NIPAL1: variants seen among roughly 807,000 people sequenced by gnomAD.
NIPAL1 encodes the protein NIPA like domain containing 1.
A neutral mutation model predicts 37.7 loss-of-function variants in NIPAL1; 35 were observed. That is an observed-to-expected ratio of 0.93 (90% CI 0.71 to 1.23). The LOEUF (loss-of-function observed/expected upper bound fraction) is 1.23, where lower values mean the gene tolerates loss of function less well. Among genes scored for constraint, NIPAL1 ranks in the 50% most tolerant of loss-of-function variants. NIPAL1 has a pLI of 0.00. For synonymous variants in NIPAL1, 162 were observed against 183.0 expected, an observed-to-expected ratio of 0.89 and a Z score of 0.93; for missense variants, 412 against 473.9, an observed-to-expected ratio of 0.87 and a Z score of 1.21.
intron 1 of NIPAL1, among the ~76,000 whole-genome samples, chr4:48,023,951 C>T (rs1373156974): frequency 3.3e-5 from 5 of 151,314 alleles, no homozygotes; most frequent in Admixed American, 6.6e-5. Flanking sequence ...TCATACCCCA[C>T]CAAATGAGTT....
intron 1 of NIPAL1, among the ~76,000 whole-genome samples, chr4:48,024,240 A>G (rs1485059691): frequency 6.6e-6 from 1 of 152,030 alleles, no homozygotes; most frequent in African/African-American, 2.4e-5. Flanking sequence ...TGGCCACCCA[A>G]AGTGCTGGGA....
rs1467132586 is a variant in NIPAL1, at chr4:48,035,797, A to G, written c.858A>G (p.Ser286=). ...TTTTGCTGGCTGTACTTGTGCTTTCAGTAACTACACAGATTAACTATCTCA... is the reference window on the plus strand; with the variant it reads ...TTTTGCTGGCTGTACTTGTGCTTTCGGTAACTACACAGATTAACTATCTCA... ...VFVLLAVLVL[S]VTTQINYLNK... The change falls in exon 6 of 6, where the codon TCA becomes TCG. Residue 286 remains serine, a synonymous_variant. Coordinates refer to ENST00000295461, the MANE Select transcript of NIPAL1 (RefSeq NM_207330.3). The G allele has an allele frequency of 1.4e-5, 22 of 1,614,060 alleles. No individual in the cohort carries two copies. The highest frequency in any genetic ancestry group is 5.3e-5 in the African/African-American group (4 of 74,930).
At chr4:48,021,626 T>C (rs1715569307) in intron 1 of NIPAL1, among the ~76,000 whole-genome samples, 1 of 152,128 alleles carries the variant, frequency 6.6e-6, no homozygotes, top group Non-Finnish European at 1.5e-5. Context: ...AGTTATACAG[T>C]GGAATTCTCT....
chr4:48,022,249 A>G (rs187532643), intron 1 of NIPAL1, among the ~76,000 whole-genome samples: 1 of 152,208 alleles, frequency 6.6e-6, no homozygotes, highest in Non-Finnish European at 1.5e-5. Context: ...CTCCACATCC[A>G]CTAACCCATC....
In NIPAL1 at chr4:48,036,022, C is replaced by G. The variant is rs745613033; in HGVS notation, c.1083C>G (p.Asp361Glu). 1.2e-6 allele frequency: 2 copies of G among 1,612,904 alleles called. No homozygotes were observed. Among genetic ancestry groups the G allele is most frequent in the African/African-American group, 1.3e-5 (1 of 74,828 alleles). The change falls in exon 6 of 6, where the codon GAC becomes GAG. Residue 361 changes from aspartate to glutamate, a missense_variant. By Grantham distance (45) the Asp-to-Glu change is conservative (BLOSUM62 2). Coordinates refer to ENST00000295461, the MANE Select transcript of NIPAL1 (RefSeq NM_207330.3). The part of the protein sequence containing the change: ...IFLLHAFKNT[D>E]ITWSELTSTA... Reference sequence around the variant, plus strand: ...TTCTACATGCTTTTAAAAATACTGACATTACTTGGAGTGAGCTTACATCCA... The same window carrying G: ...TTCTACATGCTTTTAAAAATACTGAGATTACTTGGAGTGAGCTTACATCCA...
At chr4:48,029,477 G>A (rs866731078) in intron 2 of NIPAL1, among the ~76,000 whole-genome samples, 1 of 152,090 alleles carries the variant, frequency 6.6e-6, no homozygotes, top group Non-Finnish European at 1.5e-5. Context: ...TACCTGTTGG[G>A]TTCAGTGTTC....
chr4:48,034,996 G>A lies in NIPAL1; in HGVS notation c.577G>A (p.Glu193Lys), dbSNP rs267600174. The A allele has an allele frequency of 6.2e-7, 1 of 1,613,960 alleles. No individual in the cohort carries two copies. Among genetic ancestry groups the A allele is most frequent in the Non-Finnish European group, 8.5e-7 (1 of 1,179,864 alleles). ...VMVIHAPQEE[E>K]VTSLHEMEMK... ...GGTTATCCATGCCCCACAAGAAGAGGAAGTCACATCTTTGCATGAAATGGA... is the reference window on the plus strand; with the variant it reads ...GGTTATCCATGCCCCACAAGAAGAGAAAGTCACATCTTTGCATGAAATGGA... Residue 193 changes from glutamate (E) to lysine (K), a missense_variant, in exon 5 of 6, where the codon GAA becomes AAA. Transcript: ENST00000295461.
At chr4:48,017,600 G>A (rs1462124106) in intron 1 of NIPAL1, among the ~76,000 whole-genome samples, 2 of 152,180 alleles carry the variant, frequency 1.3e-5, no homozygotes. Context: ...AAATCTCTGG[G>A]CGAGGCTCCT....
rs922883244 is a variant in NIPAL1 at position 48,039,417 on chromosome 4, A to G, written c.*3245A>G. 6.6e-6 allele frequency: 1 copy of G among 152,162 alleles called. No individual in the cohort carries two copies. The highest frequency in any genetic ancestry group is 2.4e-5 in the African/African-American group (1 of 41,454). The allele number at this position is 152,162 out of a possible 1,614,324, so 9.4% of individuals were successfully genotyped here. On this transcript the variant is annotated 3_prime_UTR_variant, in exon 6 of 6. Transcript: ENST00000295461. ...AATGCTGGACCCCTATATTCAGACTATTAGTCTTAACTGGTAGTTTATGTA... is the reference window on the plus strand; with the variant it reads ...AATGCTGGACCCCTATATTCAGACTGTTAGTCTTAACTGGTAGTTTATGTA...
intron 3 of NIPAL1, among the ~76,000 whole-genome samples, chr4:48,031,050 T>G (rs576815513): frequency 2.0e-4 from 31 of 152,182 alleles, no homozygotes; most frequent in East Asian, 1.2e-3. Context: ...TGGATTTTTT[T>G]GGGGTTTTTT....
In NIPAL1 at chr4:48,036,327, T is replaced by G; in HGVS notation, c.*155T>G. On this transcript the variant is annotated 3_prime_UTR_variant, in exon 6 of 6. Coordinates refer to ENST00000295461, the MANE Select transcript of NIPAL1 (RefSeq NM_207330.3). ...GTAAAAATGCCATTTTTTTGGCCAT[T>G]GAATTTGAAAATCAAATTGATTATC... is the stretch of plus-strand genomic sequence containing the variant. The G allele has an allele frequency of 1.6e-6, 1 of 636,244 alleles. No individual in the cohort carries two copies. Among genetic ancestry groups the G allele is most frequent in the Non-Finnish European group, 2.6e-6 (1 of 381,846 alleles). 39.4% of individuals were successfully genotyped at this position (636,244 alleles called of 1,614,324 possible).
Position 48,016,810 on chromosome 4 carries a change from C to T in NIPAL1, c.-30C>T, listed in dbSNP as rs754666946. 5 of 1,554,734 alleles carry T rather than the reference C, an allele frequency of 3.2e-6. No homozygotes were observed. In the East Asian group the frequency reaches 9.6e-5, roughly 30 times the overall value. On this transcript the variant is annotated 5_prime_UTR_variant, in exon 1 of 6. Transcript: ENST00000295461. ...GAGAGGCCCAGGTGAGGAGCAAGCGCCCGCGTTCCGGAAGCCCGCTCCCGG... is the reference window on the plus strand; with the variant it reads ...GAGAGGCCCAGGTGAGGAGCAAGCGTCCGCGTTCCGGAAGCCCGCTCCCGG...
chr4:48,018,125 G>A (rs969179765), intron 1 of NIPAL1, among the ~76,000 whole-genome samples: 5 of 152,036 alleles, frequency 3.3e-5, no homozygotes, highest in African/African-American at 4.8e-5. Context: ...GAGCAATAAC[G>A]CCTGAACAAC....
At chr4:48,028,574 T>C (rs996652748) in intron 2 of NIPAL1, among the ~76,000 whole-genome samples, 17 of 151,936 alleles carry the variant, frequency 1.1e-4, no homozygotes, top group African/African-American at 4.1e-4. Context: ...AATAGACAAA[T>C]GTGACCTAAA....
chr4:48,022,789 G>T (rs1715599549), intron 1 of NIPAL1, among the ~76,000 whole-genome samples: 1 of 151,856 alleles, frequency 6.6e-6, no homozygotes, highest in Non-Finnish European at 1.5e-5. Context: ...TGCAGCATCA[G>T]CCTGGCCAAC....
At chr4:48,029,283 G>A (rs756051717) in intron 2 of NIPAL1, among the ~76,000 whole-genome samples, 42 of 152,148 alleles carry the variant, frequency 2.8e-4, no homozygotes, top group Admixed American at 8.5e-4. Context: ...CAACATGGAC[G>A]GAACTGGAGG....
intron 1 of NIPAL1, among the ~76,000 whole-genome samples, chr4:48,021,312 C>CTG (rs1560321812): frequency 5.7e-5 from 4 of 70,054 alleles, no homozygotes; most frequent in Non-Finnish European, 1.4e-4. Context: ...GAGTCAAAGT[C>CTG]CCTCATTTTA....
chr4:48,025,419 T>G, intron 2 of NIPAL1, 85 bp downstream of exon 2: 1 of 1,316,144 alleles, frequency 7.6e-7, no homozygotes, highest in African/African-American at 1.5e-5. Context: ...TCTTATAAAC[T>G]TGCTTGTGTA....
intron 4 of NIPAL1, 46 bp from the exon 5 acceptor site, chr4:48,034,835 A>G (rs1490512510): frequency 2.7e-6 from 4 of 1,477,948 alleles, no homozygotes; most frequent in Non-Finnish European, 3.8e-6. Context: ...ATGGGATCAA[A>G]AGGTAATTGA....
Sources: gnomAD v4.1 joint callset for allele counts (sites outside exome capture counted in the v4.1 genomes callset) on GRCh38, gnomAD v4.1.1 for gene constraint, MANE v1.5 for transcripts, NCBI Gene and HGNC (gene_info 2026-07-23, HGNC 2026-07-21) for gene names.